Variants in FOXK1 observed in about 807,000 individuals in gnomAD.
FOXK1 encodes forkhead box K1.
In FOXK1, 19 loss-of-function variants were observed where a neutral mutation model predicts 51.9. The ratio of observed to expected loss-of-function variants is 0.37; its 90% CI spans 0.26 to 0.54. The LOEUF is 0.54. Among genes scored for constraint, FOXK1 ranks in the 20% least tolerant of loss-of-function variants. The pLI, the probability that FOXK1 is intolerant of heterozygous loss-of-function variation, is 0.87. For missense variants in FOXK1, 870 were observed against 1,032.7 expected (o/e 0.84, Z 2.16); for synonymous variants, 537 against 482.6 (o/e 1.11, Z -1.48).
chr7:4,696,520 C>T (rs1212899581), intron 1 of FOXK1, among the ~76,000 whole-genome samples: 4 of 152,140 alleles, frequency 2.6e-5, no homozygotes, highest in South Asian at 2.1e-4. Flanking sequence ...CCTTTGAGCT[C>T]GTGGGACTTG....
intron 1 of FOXK1, among the ~76,000 whole-genome samples, chr7:4,725,268 C>T (rs913724816): frequency 5.2e-5 from 8 of 152,382 alleles, no homozygotes; most frequent in East Asian, 1.9e-4. Context: ...GTGGCCGGAA[C>T]GCCCCTTGGA....
At chr7:4,739,191 A>G (rs1457329049) in intron 1 of FOXK1, among the ~76,000 whole-genome samples, 1 of 152,212 alleles carries the variant, frequency 6.6e-6, no homozygotes, top group Non-Finnish European at 1.5e-5. Context: ...TGCAGGTTCC[A>G]CTACAAGAGA....
intron 1 of FOXK1, among the ~76,000 whole-genome samples, chr7:4,720,052 G>A (rs1314744465): frequency 6.6e-6 from 1 of 152,000 alleles, no homozygotes; most frequent in African/African-American, 2.4e-5. Context: ...CCTGTTTTTG[G>A]TGTCATGGCT....
Position 4,770,192 on chromosome 7 carries a change from T to A in FOXK1, c.*7728T>A, listed in dbSNP as rs188414779. The A allele has an allele frequency of 4.7e-4, 71 of 152,256 alleles. 1 individual carries two copies. Among genetic ancestry groups the A allele is most frequent in the African/African-American group, 1.6e-3 (67 of 41,540 alleles). 9.4% of individuals were successfully genotyped at this position (152,256 alleles called of 1,614,324 possible). A position where few individuals can be genotyped will look rare whatever the true frequency, so the allele number is the denominator to read the frequency against. ...TGTCTATAGCCTCTAAATCTCCAGG[T>A]TAACTGGTCCAGATTTTTTTTTTTT... On this transcript the variant is annotated 3_prime_UTR_variant, in exon 9 of 9. Transcript: ENST00000328914.
chr7:4,756,731 C>T lies in FOXK1; in HGVS notation c.1051-263C>T, dbSNP rs1314124167. On this transcript the variant is annotated intron_variant, in intron 4 of 8. Coordinates refer to ENST00000328914, the MANE Select transcript of FOXK1 (RefSeq NM_001037165.2). The surrounding 1 kb of genome is among the most constrained non-coding windows in gnomAD (Gnocchi z 4.1). ...AGTGAGCCGAGATCGTGCCACTGCA[C>T]TCCATCCTGGGCGACAGAATGAGAC... is the stretch of plus-strand genomic sequence containing the variant. Among the ~76,000 whole-genome samples, 1 of 151,424 alleles carries T rather than the reference C, an allele frequency of 6.6e-6. No individual in the cohort carries two copies. Among genetic ancestry groups the T allele is most frequent in the Non-Finnish European group, 1.5e-5 (1 of 67,938 alleles).
At position 4,770,253 on chromosome 7, in the gene FOXK1, G is replaced by C. The variant is rs919080580; in HGVS notation, c.*7789G>C. The C allele has an allele frequency of 6.6e-6, 1 of 151,808 alleles. No homozygotes were observed. The highest frequency in any genetic ancestry group is 6.6e-5 in the Admixed American group (1 of 15,248). 9.4% of individuals were successfully genotyped at this position (151,808 alleles called of 1,614,324 possible). On this transcript the variant is annotated 3_prime_UTR_variant, in exon 9 of 9. Transcript: ENST00000328914. Reference sequence around the variant, plus strand: ...AATGGGAATTTAAAATCAAATATTTGGCCAGGTGCGGTGGCTCATGCCCGT... The same window carrying C: ...AATGGGAATTTAAAATCAAATATTTCGCCAGGTGCGGTGGCTCATGCCCGT...
intron 1 of FOXK1, among the ~76,000 whole-genome samples, chr7:4,692,151 C>A (rs1188877737): frequency 1.3e-5 from 2 of 152,032 alleles, no homozygotes; most frequent in African/African-American, 4.8e-5. Flanking sequence ...TATACCCCCA[C>A]CCCAAGAAAA....
chr7:4,746,152 AT>A (rs1246973657), intron 2 of FOXK1, among the ~76,000 whole-genome samples: 1 of 152,198 alleles, frequency 6.6e-6, no homozygotes, highest in Non-Finnish European at 1.5e-5. Flanking sequence ...AACTCGTACA[AT>A]TCGGCGAAGG....
At chr7:4,694,148 A>G (rs1298540555) in intron 1 of FOXK1, among the ~76,000 whole-genome samples, 1 of 152,204 alleles carries the variant, frequency 6.6e-6, no homozygotes, top group Admixed American at 6.5e-5. Context: ...GGGCTTCCCA[A>G]AATGCTGGGA....
At position 4,761,669 on chromosome 7, in the gene FOXK1, C is replaced by T. The variant is rs1780934192; in HGVS notation, c.1921+381C>T. On this transcript the variant is annotated intron_variant, in intron 8 of 8. Transcript: ENST00000328914. The surrounding 1 kb of genome is among the most constrained non-coding windows in gnomAD (Gnocchi z 6.2). ...CTGTGATTGCTCCGCTACCTGCCAG[C>T]CTGGGTGACTGAGCGAGACCCTGTC... Among the ~76,000 whole-genome samples, 1 of 151,966 alleles carries T rather than the reference C, an allele frequency of 6.6e-6. No individual in the cohort carries two copies. Among genetic ancestry groups the T allele is most frequent in the Non-Finnish European group, 1.5e-5 (1 of 68,012 alleles).
rs1337587093 is a variant in FOXK1 at position 4,762,424 on chromosome 7, T to A, written c.2162T>A (p.Ile721Asn). Residue 721 changes from isoleucine (I) to asparagine (N), a missense_variant, in exon 9 of 9, where the codon ATC (isoleucine) becomes AAC (asparagine). Ile to Asn is a moderately radical substitution (Grantham distance 149, BLOSUM62 -3). This residue lies in a region of FOXK1 where 457 missense variants were observed against 510.8 expected (regional missense o/e 0.89). Coordinates refer to ENST00000328914, the MANE Select transcript of FOXK1 (RefSeq NM_001037165.2). This position sits in a 1 kb window ranked among gnomAD's most constrained non-coding sequence, Gnocchi z 5.7. ...SGAVTTPAGVIAAAGPQGPGT... is the reference protein window; with the variant it reads ...SGAVTTPAGVNAAAGPQGPGT... Reference sequence around the variant, plus strand: ...GCTGTAACCACACCGGCTGGAGTGATCGCAGCTGCCGGCCCCCAGGGGCCA... The same window carrying A: ...GCTGTAACCACACCGGCTGGAGTGAACGCAGCTGCCGGCCCCCAGGGGCCA... The A allele has an allele frequency of 6.5e-7, 1 of 1,548,344 alleles. No homozygotes were observed. The highest frequency in any genetic ancestry group is 2.0e-5 in the Admixed American group (1 of 51,176).
intron 1 of FOXK1, among the ~76,000 whole-genome samples, chr7:4,725,215 G>C (rs569440284): frequency 6.6e-6 from 1 of 152,290 alleles, no homozygotes; most frequent in South Asian, 2.1e-4. Context: ...GGGGTAGATC[G>C]GAGCTGCCTC....
At chr7:4,716,011 C>T (rs907735292) in intron 1 of FOXK1, among the ~76,000 whole-genome samples, 2 of 152,108 alleles carry the variant, frequency 1.3e-5, no homozygotes, top group African/African-American at 4.8e-5. Context: ...GTGGGCAGAT[C>T]ACTTGAGGTA....
At chr7:4,759,002 C>T (rs1358530358) in intron 5 of FOXK1, 49 bp from the exon 6 acceptor site, 2 of 1,522,822 alleles carry the variant, frequency 1.3e-6, no homozygotes, top group South Asian at 1.3e-5. Flanking sequence ...AACGTCCTCG[C>T]ATCCCTCAGC....
Position 4,740,832 on chromosome 7 carries a change from T to C in FOXK1, c.561-6T>C. The C allele has an allele frequency of 6.3e-7, 1 of 1,589,852 alleles. No homozygotes were observed. The stretch of plus-strand genomic sequence containing the variant: ...CACCTCACACCCGCTCCTCCTCCTG[T>C]TGCAGGTGTACCTTCCGGTTTCCCA... On this transcript the variant is annotated splice_polypyrimidine_tract_variant and splice_region_variant and intron_variant, in intron 1 of 8. Coordinates refer to ENST00000328914, the MANE Select transcript of FOXK1 (RefSeq NM_001037165.2).
intron 1 of FOXK1, among the ~76,000 whole-genome samples, chr7:4,710,679 G>T (rs1410477819): frequency 2.0e-5 from 3 of 152,306 alleles, no homozygotes; most frequent in Non-Finnish European, 4.4e-5. Context: ...GGGACCACAA[G>T]GGCATGTTCT....
At chr7:4,720,631 C>T (rs79398361) in intron 1 of FOXK1, among the ~76,000 whole-genome samples, 2 of 152,088 alleles carry the variant, frequency 1.3e-5, no homozygotes, top group Non-Finnish European at 2.9e-5. Flanking sequence ...CCATCTCTCC[C>T]GAGCAGGCAG....
At position 4,682,830 on chromosome 7, in the gene FOXK1, C is replaced by T. The variant is rs1483919449; in HGVS notation, c.522C>T (p.Phe174=). 32 of 1,570,402 alleles carry T rather than the reference C, an allele frequency of 2.0e-5. No individual in the cohort carries two copies. Among genetic ancestry groups the T allele is most frequent in the East Asian group, 2.3e-5 (1 of 43,016 alleles). The part of the protein sequence containing the change: ...GKNGVFVDGA[F]QRRGAPALQL... ...ACGGCGTCTTCGTGGACGGGGCCTT[C>T]CAGAGACGCGGCGCGCCCGCCCTGC... The change falls in exon 1 of 9, where the codon TTC becomes TTT. Residue 174 remains phenylalanine (F), a synonymous_variant. Transcript: ENST00000328914. The surrounding 1 kb of genome is among the most constrained non-coding windows in gnomAD (Gnocchi z 7.6).
chr7:4,682,557 C>T lies in FOXK1; in HGVS notation c.249C>T (p.Val83=). Residue 83 remains valine (V), a synonymous_variant, in exon 1 of 9, where the codon GTC becomes GTT. Transcript: ENST00000328914. The surrounding 1 kb of genome is among the most constrained non-coding windows in gnomAD (Gnocchi z 7.6). ...CCGGGGTATCCGGGGACTCCGCGGT[C>T]GCGGGCGCGGCGCCGGCCCTGGTGG... The part of the protein sequence containing the change: ...GSSGVSGDSA[V]AGAAPALVAA... 8.6e-7 allele frequency: 1 copy of T among 1,168,368 alleles called. No individual in the cohort carries two copies. Among genetic ancestry groups the T allele is most frequent in the Non-Finnish European group, 1.1e-6 (1 of 950,430 alleles). The allele number at this position is 1,168,368 out of a possible 1,614,324, so 72.4% of individuals were successfully genotyped here.
Sources: gnomAD v4.1 joint callset for allele counts (sites outside exome capture counted in the v4.1 genomes callset) on GRCh38, gnomAD v4.1.1 for gene constraint, gnomAD v4.1.1 regional missense constraint, Gnocchi (gnomAD v3.1) non-coding constraint, MANE v1.5 for transcripts, NCBI Gene and HGNC (gene_info 2026-07-23, HGNC 2026-07-21) for gene names.